CCSER1: variants seen among roughly 807,000 people sequenced by gnomAD.
CCSER1 encodes the protein coiled-coil serine rich protein 1, also known as serine-rich coiled-coil domain-containing protein 1.
In CCSER1, 41 loss-of-function variants were observed where a neutral mutation model predicts 82.0. That is an observed-to-expected ratio of 0.50 (90% CI 0.39 to 0.65). The LOEUF is 0.65. Among genes scored for constraint, CCSER1 ranks in the 30% least tolerant of loss-of-function variants. The probability of loss-of-function intolerance (pLI) is 0.00; values close to 1 mark genes in which losing one functional copy is unlikely to be tolerated. For synonymous variants in CCSER1, 414 were observed against 383.9 expected, an observed-to-expected ratio of 1.08 and a Z score of -0.92; for missense variants, 1,119 against 1,064.2, an observed-to-expected ratio of 1.05 and a Z score of -0.72.
intron 9 of CCSER1, among the ~76,000 whole-genome samples, chr4:90,947,396 A>G (rs1267390358): frequency 6.6e-6 from 1 of 152,202 alleles, no homozygotes; most frequent in Non-Finnish European, 1.5e-5. Flanking sequence ...TTTCTCCTTA[A>G]TATATCACAT....
rs532647688 is a variant in CCSER1, at chr4:91,076,347, C to T, written c.2173-9603C>T. Among the ~76,000 whole-genome samples the T allele has an allele frequency of 4.0e-5, 6 of 150,308 alleles. No individual in the cohort carries two copies. The South Asian group carries it at 1.3e-3, about 31-fold the overall frequency. Reference sequence around the variant, plus strand: ...AACCATGCAGTTTTTTTTTTTTCCACTAAATGCTTATTCCCAGCTCCTTTT... The same window carrying T: ...AACCATGCAGTTTTTTTTTTTTCCATTAAATGCTTATTCCCAGCTCCTTTT... On this transcript the variant is annotated intron_variant, in intron 9 of 10. Transcript: ENST00000509176.
chr4:91,236,641 C>T (rs1739033311), intron 10 of CCSER1, among the ~76,000 whole-genome samples: 1 of 152,082 alleles, frequency 6.6e-6, no homozygotes, highest in Admixed American at 6.5e-5. Flanking sequence ...TTTGTATGAT[C>T]AATGCATAAA....
In CCSER1 at chr4:91,279,602, T is replaced by C. The variant is rs568678223; in HGVS notation, c.2217+193608T>C. On this transcript the variant is annotated intron_variant, in intron 10 of 10. Transcript: ENST00000509176. Reference sequence around the variant, plus strand: ...TAACAGTTTCTATTTGGTTCTTTTTTGTGATATCTATCTCTTTGGTAAATT... The same window carrying C: ...TAACAGTTTCTATTTGGTTCTTTTTCGTGATATCTATCTCTTTGGTAAATT... Among the ~76,000 whole-genome samples the C allele has an allele frequency of 7.9e-5, 12 of 152,250 alleles. 1 individual carries two copies. The South Asian group carries it at 2.5e-3, about 32-fold the overall frequency.
chr4:91,406,349 T>C (rs1389085247), intron 10 of CCSER1, among the ~76,000 whole-genome samples: 1 of 152,236 alleles, frequency 6.6e-6, no homozygotes, highest in Non-Finnish European at 1.5e-5. Context: ...CCAAAGCTTA[T>C]ACTGTTTCCA....
At chr4:91,051,407 A>G (rs893060223) in intron 9 of CCSER1, among the ~76,000 whole-genome samples, 4 of 152,188 alleles carry the variant, frequency 2.6e-5, no homozygotes, top group Admixed American at 2.6e-4. Context: ...GGGATGCTTG[A>G]AAAATTCATA....
intron 10 of CCSER1, among the ~76,000 whole-genome samples, chr4:91,170,255 A>C (rs1295997600): frequency 2.6e-5 from 4 of 152,344 alleles, no homozygotes; most frequent in East Asian, 3.9e-4. Context: ...TGTTACATCA[A>C]GACAAACCCA....
intron 10 of CCSER1, among the ~76,000 whole-genome samples, chr4:91,229,350 G>C (rs944743888): frequency 1.3e-5 from 2 of 148,818 alleles, no homozygotes; most frequent in Non-Finnish European, 3.0e-5. Flanking sequence ...GATATGTTTT[G>C]AATTAAAAAA....
intron 3 of CCSER1, among the ~76,000 whole-genome samples, chr4:90,379,995 A>C (rs1238485408): frequency 6.6e-6 from 1 of 152,072 alleles, no homozygotes; most frequent in African/African-American, 2.4e-5. Context: ...AGGAGAACTC[A>C]CTCACTTTCC....
chr4:91,281,706 C>T (rs926193904), intron 10 of CCSER1, among the ~76,000 whole-genome samples: 7 of 152,144 alleles, frequency 4.6e-5, no homozygotes, highest in Non-Finnish European at 7.3e-5. Context: ...TGTGATTTAT[C>T]TCAACAACTT....
At chr4:91,499,191 G>A (rs1759080055) in intron 10 of CCSER1, among the ~76,000 whole-genome samples, 1 of 151,906 alleles carries the variant, frequency 6.6e-6, no homozygotes, top group East Asian at 1.9e-4. Context: ...TTCATTTAGG[G>A]AATTGATGTT....
chr4:90,376,828 C>T (rs1748399780), intron 3 of CCSER1, among the ~76,000 whole-genome samples: 1 of 152,080 alleles, frequency 6.6e-6, no homozygotes, highest in Non-Finnish European at 1.5e-5. Context: ...TACTTCACTT[C>T]TTGCAAGCAG....
chr4:90,910,999 T>C (rs923134317), intron 8 of CCSER1, among the ~76,000 whole-genome samples: 1 of 152,188 alleles, frequency 6.6e-6, no homozygotes. Flanking sequence ...TAACCTCTTA[T>C]CTTGGAAAGT....
chr4:90,439,689 A>G (rs1759568277), intron 4 of CCSER1, among the ~76,000 whole-genome samples: 1 of 152,176 alleles, frequency 6.6e-6, no homozygotes, highest in Admixed American at 6.5e-5. Flanking sequence ...TCTGCTTGCT[A>G]TCTAATATAG....
intron 10 of CCSER1, among the ~76,000 whole-genome samples, chr4:91,530,425 T>G (rs2110166191): frequency 6.6e-6 from 1 of 152,218 alleles, no homozygotes; most frequent in East Asian, 1.9e-4. Flanking sequence ...TTCCCATCTG[T>G]TATATTATCA....
intron 1 of CCSER1, among the ~76,000 whole-genome samples, chr4:90,230,047 C>T (rs940695840): frequency 6.6e-6 from 1 of 152,094 alleles, no homozygotes; most frequent in Non-Finnish European, 1.5e-5. Context: ...CCACTGTCAA[C>T]ATTAGACAGA....
chr4:91,469,121 G>A (rs1369882494), intron 10 of CCSER1, among the ~76,000 whole-genome samples: 2 of 152,000 alleles, frequency 1.3e-5, no homozygotes, highest in Non-Finnish European at 2.9e-5. Context: ...ATCTACATTG[G>A]ATCTTTCATT....
intron 5 of CCSER1, among the ~76,000 whole-genome samples, chr4:90,542,168 T>G (rs557383146): frequency 1.6e-4 from 24 of 152,128 alleles, no homozygotes; most frequent in Admixed American, 3.9e-4. Context: ...AGCAAAAAAA[T>G]TTAAAAGCCT....
chr4:91,291,067 T>A (rs1743706132), intron 10 of CCSER1, among the ~76,000 whole-genome samples: 2 of 151,454 alleles, frequency 1.3e-5, no homozygotes, highest in South Asian at 4.1e-4. Flanking sequence ...ATTTTTTCTT[T>A]TATATATATT....
At chr4:90,985,267 G>C (rs984624602) in intron 9 of CCSER1, among the ~76,000 whole-genome samples, 1 of 151,342 alleles carries the variant, frequency 6.6e-6, no homozygotes, top group African/African-American at 2.4e-5. Context: ...TCTTTTCTCT[G>C]CCTCTTTTTA....
Sources: gnomAD v4.1 joint callset for allele counts (sites outside exome capture counted in the v4.1 genomes callset) on GRCh38, gnomAD v4.1.1 for gene constraint, MANE v1.5 for transcripts, NCBI Gene and HGNC (gene_info 2026-07-23, HGNC 2026-07-21) for gene names.